The following NXPH1 variants were observed in gnomAD, a reference collection of about 807,000 sequenced individuals.
The protein encoded by NXPH1 is neurexophilin 1, also known as neurexophilin-1.
In NXPH1, 5 loss-of-function variants were observed where a neutral mutation model predicts 23.7. That is an observed-to-expected ratio of 0.21 (90% CI 0.11 to 0.44). The LOEUF (loss-of-function observed/expected upper bound fraction) is 0.44, where lower values mean the gene tolerates loss of function less well. Ranked by LOEUF, NXPH1 falls within the 20% of genes least tolerant of loss-of-function variation. The probability of loss-of-function intolerance (pLI) is 0.99; values close to 1 mark genes in which losing one functional copy is unlikely to be tolerated. For synonymous variants in NXPH1, 144 were observed against 122.2 expected (o/e 1.18, Z -1.18); for missense variants, 324 against 321.6 (o/e 1.01, Z -0.06).
chr7:8,504,086 CA>C (rs1298854530), intron 2 of NXPH1, among the ~76,000 whole-genome samples: 1 of 152,018 alleles, frequency 6.6e-6, no homozygotes, highest in African/African-American at 2.4e-5. Context: ...TGCATTATGC[CA>C]GGGGCTTTTC....
chr7:8,510,897 T>A (rs1284451549), intron 2 of NXPH1, among the ~76,000 whole-genome samples: 1 of 152,118 alleles, frequency 6.6e-6, no homozygotes, highest in East Asian at 1.9e-4. Flanking sequence ...TTTGAACTTC[T>A]GAACCCTTCC....
chr7:8,571,018 TATCTAATCTAATCTA>T (rs35589510), intron 2 of NXPH1, among the ~76,000 whole-genome samples: 24,786 of 145,862 alleles, frequency 0.17, 3,570 homozygotes, highest in African/African-American at 0.39. Context: ...TCTGTCTGTC[TATCTAATCTAATCTA>T]ATCTAATCTA....
At chr7:8,653,509 C>A in intron 2 of NXPH1, among the ~76,000 whole-genome samples, 1 of 152,128 alleles carries the variant, frequency 6.6e-6, no homozygotes, top group East Asian at 1.9e-4. Context: ...ACTTTAAACC[C>A]TTTTGTATAT....
intron 2 of NXPH1, among the ~76,000 whole-genome samples, chr7:8,741,373 T>G (rs1370905760): frequency 1.3e-5 from 2 of 152,174 alleles, no homozygotes; most frequent in African/African-American, 4.8e-5. Flanking sequence ...AATGCAGATT[T>G]TTTTTGAGAC....
intron 2 of NXPH1, among the ~76,000 whole-genome samples, chr7:8,742,526 T>C (rs1780384419): frequency 6.6e-6 from 1 of 152,170 alleles, no homozygotes. Context: ...ACAGGTGATA[T>C]ATCTGAATAT....
At chr7:8,510,038 C>G (rs757766287) in intron 2 of NXPH1, among the ~76,000 whole-genome samples, 35 of 152,068 alleles carry the variant, frequency 2.3e-4, no homozygotes, top group Non-Finnish European at 4.7e-4. Context: ...TGAGCTAATC[C>G]TAAGCTTCAG....
chr7:8,665,929 T>G (rs1820756355), intron 2 of NXPH1, among the ~76,000 whole-genome samples: 1 of 125,176 alleles, frequency 8.0e-6, no homozygotes, highest in African/African-American at 2.8e-5. Context: ...TTTTTTTTTT[T>G]TTTTTGAAGG....
chr7:8,638,553 CTTAT>C (rs1343006493), intron 2 of NXPH1, among the ~76,000 whole-genome samples: 1 of 152,112 alleles, frequency 6.6e-6, no homozygotes, highest in Non-Finnish European at 1.5e-5. Flanking sequence ...GAAGGAATGC[CTTAT>C]TTAAGGATTG....
At chr7:8,471,815 A>G (rs1173143822) in intron 2 of NXPH1, among the ~76,000 whole-genome samples, 2 of 152,098 alleles carry the variant, frequency 1.3e-5, no homozygotes, top group African/African-American at 4.8e-5. Context: ...TCAACTATAC[A>G]GGAGAGCATC....
chr7:8,496,046 C>CT (rs1408707223), intron 2 of NXPH1, among the ~76,000 whole-genome samples: 2 of 151,974 alleles, frequency 1.3e-5, no homozygotes, highest in African/African-American at 4.8e-5. Context: ...TTAAGAGGGA[C>CT]TAGGTGGTAG....
At chr7:8,644,886 CA>C (rs1820371161) in intron 2 of NXPH1, among the ~76,000 whole-genome samples, 1 of 152,084 alleles carries the variant, frequency 6.6e-6, no homozygotes, top group African/African-American at 2.4e-5. Flanking sequence ...TTTATCTCCC[CA>C]AACAGTATAT....
At chr7:8,518,133 A>C (rs1432577058) in intron 2 of NXPH1, among the ~76,000 whole-genome samples, 1 of 152,180 alleles carries the variant, frequency 6.6e-6, no homozygotes. Context: ...AAATATTATT[A>C]GATTGAAGTT....
At chr7:8,584,071 G>T (rs1818932420) in intron 2 of NXPH1, among the ~76,000 whole-genome samples, 1 of 152,180 alleles carries the variant, frequency 6.6e-6, no homozygotes, top group Admixed American at 6.5e-5. Flanking sequence ...GCTGTTCTGT[G>T]TACTTTACAG....
intron 2 of NXPH1, among the ~76,000 whole-genome samples, chr7:8,486,088 TC>T (rs1817154826): frequency 6.6e-6 from 1 of 152,190 alleles, no homozygotes; most frequent in Admixed American, 6.6e-5. Flanking sequence ...AAATGCCATT[TC>T]TTTCCCCATC....
chr7:8,708,119 A>G (rs894529359), intron 2 of NXPH1, among the ~76,000 whole-genome samples: 2 of 152,204 alleles, frequency 1.3e-5, no homozygotes, highest in Non-Finnish European at 2.9e-5. Flanking sequence ...ATTTGGAATC[A>G]CTATAGTGAC....
At chr7:8,577,188 G>A (rs1422192641) in intron 2 of NXPH1, among the ~76,000 whole-genome samples, 1 of 152,058 alleles carries the variant, frequency 6.6e-6, no homozygotes, top group Admixed American at 6.5e-5. Flanking sequence ...CCATTACAAG[G>A]ATAATGCAAA....
At chr7:8,554,906 G>A (rs1818332487) in intron 2 of NXPH1, among the ~76,000 whole-genome samples, 1 of 151,634 alleles carries the variant, frequency 6.6e-6, no homozygotes, top group African/African-American at 2.4e-5. Flanking sequence ...TAGAATTTTA[G>A]GAGGGATATC....
chr7:8,665,700 T>C (rs79302916), intron 2 of NXPH1, among the ~76,000 whole-genome samples: 1,578 of 152,084 alleles, frequency 0.01, 34 homozygotes, highest in African/African-American at 0.036. Flanking sequence ...ATCAATACTT[T>C]ATAGTTTTCA....
intron 2 of NXPH1, among the ~76,000 whole-genome samples, chr7:8,465,319 T>G (rs1816767613): frequency 6.6e-6 from 1 of 152,202 alleles, no homozygotes; most frequent in African/African-American, 2.4e-5. Context: ...ATAAAGAATT[T>G]AGAATAGTGG....
Sources: gnomAD v4.1 joint callset for allele counts (sites outside exome capture counted in the v4.1 genomes callset) on GRCh38, gnomAD v4.1.1 for gene constraint, MANE v1.5 for transcripts, NCBI Gene and HGNC (gene_info 2026-07-23, HGNC 2026-07-21) for gene names.